The following CYP3A4 variants were observed in gnomAD, a reference collection of about 807,000 sequenced individuals.
CYP3A4 encodes cytochrome P450 3A4.
Under a neutral mutation model 54.9 loss-of-function variants are expected in CYP3A4, and 41 were observed. The observed-to-expected ratio is 0.75, with a 90% CI of 0.58 to 0.97. The LOEUF (loss-of-function observed/expected upper bound fraction) is 0.97. CYP3A4 is among the 50% of genes least tolerant of loss of function. The probability of loss-of-function intolerance (pLI) is 0.00; values close to 1 mark genes in which losing one functional copy is unlikely to be tolerated. For synonymous variants in CYP3A4, 179 were observed against 205.2 expected, an observed-to-expected ratio of 0.87 and a Z score of 1.09; for missense variants, 510 against 597.3, an observed-to-expected ratio of 0.85 and a Z score of 1.52.
chr7:99,769,828 T>C lies in CYP3A4; in HGVS notation c.461A>G (p.Asp154Gly). Residue 154 changes from aspartate to glycine, a missense_variant, in exon 6 of 13, where the codon GAT becomes GGT. Physicochemically the swap from Asp to Gly is moderately conservative, Grantham distance 94. Transcript: ENST00000651514. ...EMVPIIAQYG[D>G]VLVRNLRREA... ...CCGCCTCAGATTTCTCACCAACACA[T>C]CTCCATACTGGGCAATGATAGGGAC... The C allele has an allele frequency of 6.2e-7, 1 of 1,613,752 alleles. No homozygotes were observed. Among genetic ancestry groups the C allele is most frequent in the Non-Finnish European group, 8.5e-7 (1 of 1,179,860 alleles).
At chr7:99,769,309 A>G (rs891204209) in intron 6 of CYP3A4, among the ~76,000 whole-genome samples, 3 of 152,138 alleles carry the variant, frequency 2.0e-5, no homozygotes, top group African/African-American at 7.2e-5. Context: ...TAGGAATTTT[A>G]ATATTTAGTA....
intron 3 of CYP3A4, among the ~76,000 whole-genome samples, chr7:99,775,096 C>G (rs1335824529): frequency 6.6e-6 from 1 of 152,100 alleles, no homozygotes; most frequent in Non-Finnish European, 1.5e-5. Flanking sequence ...ACAATTACTA[C>G]AAAGAGAATA....
intron 10 of CYP3A4, among the ~76,000 whole-genome samples, chr7:99,763,507 C>T (rs1417060558): frequency 6.6e-6 from 1 of 152,146 alleles, no homozygotes. Context: ...CACTATGGTG[C>T]CTGCTGCAAA....
chr7:99,767,450 A>T (rs1419350963), intron 7 of CYP3A4, among the ~76,000 whole-genome samples, 192 bp from the exon 8 acceptor site: 1 of 152,170 alleles, frequency 6.6e-6, no homozygotes, highest in African/African-American at 2.4e-5. Flanking sequence ...GTCTATGCAT[A>T]AGGAGCACCG....
rs10554527 is a variant in CYP3A4, at chr7:99,777,476, T to TTGTG, written c.218+548_218+551dup. ...GTTAGAACCAAAATGATGTCACTAG[T>TTGTG]TGTGTGTGTGTGTGTGTGTGTGTGT... On this transcript the variant is annotated intron_variant, in intron 3 of 12. Transcript: ENST00000651514. 8.5e-3 allele frequency among the ~76,000 whole-genome samples: 1,250 copies of TTGTG among 146,682 alleles called. 16 individuals are homozygous for TTGTG. Among genetic ancestry groups the TTGTG allele is most frequent in the African/African-American group, 0.026 (1,025 of 39,534 alleles).
intron 1 of CYP3A4, among the ~76,000 whole-genome samples, chr7:99,780,667 A>C (rs181425789): frequency 6.6e-6 from 1 of 152,194 alleles, no homozygotes; most frequent in African/African-American, 2.4e-5. Context: ...TCATTCACAG[A>C]GAGGTCTTGG....
intron 7 of CYP3A4, 110 bp from the exon 8 acceptor site, chr7:99,767,368 A>G (rs1815502671): frequency 3.0e-6 from 3 of 997,932 alleles, no homozygotes; most frequent in African/African-American, 3.3e-5. Context: ...AAAGACATCA[A>G]GGTTCTCAAC....
rs1417715826 is a variant in CYP3A4 at position 99,770,160 on chromosome 7, A to G, written c.394T>C (p.Leu132=). The change falls in exon 5 of 13, where the codon TTG becomes CTG. Residue 132 remains leucine (L), a synonymous_variant. Coordinates refer to ENST00000651514, the MANE Select transcript of CYP3A4 (RefSeq NM_017460.6). ...EDEEWKRLRS[L]LSPTFTSGKL... is the part of the protein sequence containing the mutation. Reference sequence around the variant, plus strand: ...CCACTGGTGAAGGTTGGAGACAGCAATGATCGTAATCTCTTCCATTCTTCA... The same window carrying G: ...CCACTGGTGAAGGTTGGAGACAGCAGTGATCGTAATCTCTTCCATTCTTCA... 1.2e-6 allele frequency: 2 copies of G among 1,613,812 alleles called. No homozygotes were observed. Among genetic ancestry groups the G allele is most frequent in the East Asian group, 2.2e-5 (1 of 44,868 alleles).
At chr7:99,763,327 A>G (rs1815386820) in intron 10 of CYP3A4, among the ~76,000 whole-genome samples, 1 of 152,218 alleles carries the variant, frequency 6.6e-6, no homozygotes. Flanking sequence ...TTCTCATTGA[A>G]ACAAATGTGA....
intron 5 of CYP3A4, 54 bp downstream of exon 5, chr7:99,770,068 C>A: frequency 6.4e-7 from 1 of 1,569,956 alleles, no homozygotes; most frequent in South Asian, 1.1e-5. Flanking sequence ...TTATACCTGT[C>A]CCCACCAGAT....
Position 99,758,235 on chromosome 7 carries a change from C to G in CYP3A4, c.1417-7G>C, listed in dbSNP as rs775833385. ...AGCTTAATTTCAGGGGGATCTGCAA[C>G]AGTTAAACAAGCATATTGAGAAGCA... On this transcript the variant is annotated splice_region_variant and splice_polypyrimidine_tract_variant and intron_variant, in intron 12 of 12. Transcript: ENST00000651514. The G allele has an allele frequency of 6.2e-7, 1 of 1,612,796 alleles. No homozygotes were observed. The highest frequency in any genetic ancestry group is 1.3e-5 in the African/African-American group (1 of 74,962).
intron 8 of CYP3A4, 85 bp from the exon 9 acceptor site, chr7:99,766,528 T>G: frequency 6.5e-7 from 1 of 1,536,416 alleles, no homozygotes; most frequent in Non-Finnish European, 9.0e-7. Context: ...TGATCTCCCT[T>G]CTGAGAATAT....
chr7:99,763,376 G>GA (rs1480759369), intron 10 of CYP3A4, among the ~76,000 whole-genome samples: 1 of 152,000 alleles, frequency 6.6e-6, no homozygotes, highest in South Asian at 2.1e-4. Flanking sequence ...TAACATATGA[G>GA]AAAGTGATTG....
rs1348112778 is a variant in CYP3A4, at chr7:99,762,073, G to T, written c.1221C>A (p.Tyr407Ter). The T allele has an allele frequency of 1.9e-6, 3 of 1,614,132 alleles. No individual in the cohort carries two copies. Among genetic ancestry groups the T allele is most frequent in the Non-Finnish European group, 2.5e-6 (3 of 1,180,000 alleles). ...PSYALHRDPK[Y>*]WTEPEKFLPE... ...GGAGGAACTTCTCAGGCTCTGTCCA[G>T]TACTTTGGGTCACGGTGAAGAGCAT... The change falls in exon 11 of 13, where the codon TAC becomes TAA. Residue 407 changes from tyrosine (Y) to a stop codon, truncating the protein, a stop_gained. Coordinates refer to ENST00000651514, the MANE Select transcript of CYP3A4 (RefSeq NM_017460.6). LOFTEE classifies it high-confidence loss of function.
intron 3 of CYP3A4, 90 bp downstream of exon 3, chr7:99,777,938 A>C: frequency 1.0e-6 from 1 of 994,776 alleles, no homozygotes; most frequent in Non-Finnish European, 1.6e-6. Context: ...CTTCATCCCA[A>C]GAGGCTTTGG....
rs754927937 is a variant in CYP3A4 at position 99,770,183 on chromosome 7, T to C, written c.371A>G (p.Glu124Gly). ...MKSAISIAEDEEWKRLRSLLS... is the reference protein window; with the variant it reads ...MKSAISIAEDGEWKRLRSLLS... ...CAATGATCGTAATCTCTTCCATTCT[T>C]CATCCTCAGCTATAGAGATGGCACT... is the stretch of plus-strand genomic sequence containing the variant. The change falls in exon 5 of 13, where the codon GAA (glutamate) becomes GGA (glycine). Residue 124 changes from glutamate to glycine, a missense_variant. Coordinates refer to ENST00000651514, the MANE Select transcript of CYP3A4 (RefSeq NM_017460.6). The C allele has an allele frequency of 1.9e-6, 3 of 1,613,850 alleles. No homozygotes were observed. Among genetic ancestry groups the C allele is most frequent in the East Asian group, 4.5e-5 (2 of 44,874 alleles).
At chr7:99,768,616 T>C in intron 6 of CYP3A4, 114 bp from the exon 7 acceptor site, 1 of 1,587,930 alleles carries the variant, frequency 6.3e-7, no homozygotes, top group Non-Finnish European at 8.6e-7. Flanking sequence ...GCCACAGACT[T>C]TCAGATCTAC....
intron 2 of CYP3A4, among the ~76,000 whole-genome samples, chr7:99,779,606 A>G (rs1386471641): frequency 6.6e-6 from 1 of 152,256 alleles, no homozygotes; most frequent in East Asian, 1.9e-4. Flanking sequence ...TTTGACTCTC[A>G]TGTACACAGA....
rs1229451136 is a variant in CYP3A4 at position 99,757,737 on chromosome 7, CAT to C, written c.*394_*395del. 4 of 180,772 alleles carry C rather than the reference CAT, an allele frequency of 2.2e-5. No individual in the cohort carries two copies. Among genetic ancestry groups the C allele is most frequent in the Middle Eastern group, 2.4e-3 (1 of 416 alleles). 11.2% of individuals were successfully genotyped at this position (180,772 alleles called of 1,614,324 possible). On this transcript the variant is annotated 3_prime_UTR_variant, in exon 13 of 13. Coordinates refer to ENST00000651514, the MANE Select transcript of CYP3A4 (RefSeq NM_017460.6). ...AACTTATAGAATACTCCAGAGAAAA[CAT>C]GTGATATAAATGTCATTGTTAGAGC...
Sources: allele counts gnomAD v4.1 joint callset (sites outside exome capture counted in the v4.1 genomes callset), GRCh38; gene constraint gnomAD v4.1.1; transcripts MANE v1.5; gene names NCBI Gene and HGNC (gene_info 2026-07-23, HGNC 2026-07-21).